The following GARIN1B variants were observed in gnomAD, a reference collection of about 807,000 sequenced individuals.
GARIN1B encodes the protein Golgi-associated RAB2 interactor protein 1B.
chr7:128,709,980 T>C, the GARIN1B span, among the ~76,000 whole-genome samples: 2 of 151,768 alleles, frequency 1.3e-5, no homozygotes, highest in Admixed American at 6.6e-5. Context: ...CTCGAACTCC[T>C]AACCTCATGA....
the GARIN1B span, chr7:128,715,449 C>T: frequency 2.5e-6 from 4 of 1,613,960 alleles, no homozygotes; most frequent in Non-Finnish European, 3.4e-6. Flanking sequence ...GAAATGTTGT[C>T]ATCATTTCCA....
the GARIN1B span, among the ~76,000 whole-genome samples, chr7:128,719,716 T>C: frequency 1.3e-5 from 2 of 148,592 alleles, no homozygotes; most frequent in Non-Finnish European, 3.0e-5. Flanking sequence ...TTTTTTTTTT[T>C]TGAGATGGAG....
At chr7:128,730,273 G>A in the GARIN1B span, among the ~76,000 whole-genome samples, 39 of 152,302 alleles carry the variant, frequency 2.6e-4, no homozygotes, top group African/African-American at 8.4e-4. Context: ...GGCCCCCAGA[G>A]TTCCCCCAGA....
the GARIN1B span, among the ~76,000 whole-genome samples, chr7:128,711,150 C>T: frequency 6.6e-6 from 1 of 152,068 alleles, no homozygotes; most frequent in Non-Finnish European, 1.5e-5. Flanking sequence ...TGTGTACTTT[C>T]CTCCTGGCAT....
the GARIN1B span, chr7:128,731,692 A>C: frequency 6.5e-6 from 1 of 154,450 alleles, no homozygotes; most frequent in African/African-American, 2.4e-5. Flanking sequence ...TTCCCTTTCT[A>C]TCTGTTTTTC....
chr7:128,723,797 C>T, the GARIN1B span, among the ~76,000 whole-genome samples: 3 of 151,866 alleles, frequency 2.0e-5, no homozygotes, highest in African/African-American at 7.3e-5. Context: ...CAGGCATGAG[C>T]CACCGCGCCC....
the GARIN1B span, chr7:128,725,017 T>C: frequency 2.0e-6 from 1 of 502,030 alleles, no homozygotes; most frequent in Non-Finnish European, 3.0e-6. Flanking sequence ...CAGGATCCAA[T>C]GAGCTCATAT....
the GARIN1B span, chr7:128,718,971 G>T: frequency 2.8e-5 from 45 of 1,614,048 alleles, no homozygotes; most frequent in Non-Finnish European, 3.3e-5. Context: ...TTCTGGATCC[G>T]ACTGGTTCAA....
chr7:128,720,203 CTTT>C, the GARIN1B span, among the ~76,000 whole-genome samples: 2 of 139,260 alleles, frequency 1.4e-5, no homozygotes, highest in Admixed American at 7.2e-5. Flanking sequence ...TTTCCTTCTT[CTTT>C]TTTTTTTTTT....
At chr7:128,716,281 C>T in the GARIN1B span, among the ~76,000 whole-genome samples, 12 of 152,206 alleles carry the variant, frequency 7.9e-5, no homozygotes, top group South Asian at 2.1e-4. Flanking sequence ...TGGATGGAAG[C>T]GAGAATGAAC....
the GARIN1B span, among the ~76,000 whole-genome samples, chr7:128,721,234 T>G: frequency 6.6e-6 from 1 of 152,214 alleles, no homozygotes; most frequent in African/African-American, 2.4e-5. Flanking sequence ...GCAGTTCTCC[T>G]GCCTCAGCCT....
the GARIN1B span, among the ~76,000 whole-genome samples, chr7:128,725,898 T>C: frequency 1.3e-5 from 2 of 152,166 alleles, no homozygotes; most frequent in Non-Finnish European, 2.9e-5. Context: ...CAGCTTTTAA[T>C]ATTTCTAGAA....
At chr7:128,729,863 A>G in the GARIN1B span, 2 of 1,599,170 alleles carry the variant, frequency 1.3e-6, no homozygotes, top group East Asian at 4.5e-5. Context: ...GGCTCTGTGA[A>G]CCAGCACACA....
chr7:128,709,878 A>G, the GARIN1B span, among the ~76,000 whole-genome samples: 4 of 151,352 alleles, frequency 2.6e-5, no homozygotes, highest in African/African-American at 9.7e-5. Flanking sequence ...CAGCCTCCTG[A>G]GTAGCTGGGA....
At chr7:128,731,371 G>T in the GARIN1B span, 2 of 554,402 alleles carry the variant, frequency 3.6e-6, no homozygotes, top group South Asian at 4.7e-5. Flanking sequence ...CCGGGCCCAA[G>T]AGATGAAGGA....
chr7:128,712,236 C>T, the GARIN1B span, among the ~76,000 whole-genome samples: 1 of 152,124 alleles, frequency 6.6e-6, no homozygotes, highest in Admixed American at 6.5e-5. Context: ...CTAGGAGGAC[C>T]TCTAGCAATT....
At chr7:128,716,236 G>A in the GARIN1B span, among the ~76,000 whole-genome samples, 1 of 152,172 alleles carries the variant, frequency 6.6e-6, no homozygotes, top group Admixed American at 6.5e-5. Context: ...GGCACTCGGT[G>A]CACGTTCGTC....
the GARIN1B span, among the ~76,000 whole-genome samples, chr7:128,720,423 C>T: frequency 2.1e-4 from 32 of 152,276 alleles, no homozygotes; most frequent in African/African-American, 7.0e-4. Context: ...TAGTCTCGAA[C>T]TCCTGACCTC....
chr7:128,729,913 TC>T, the GARIN1B span: 1 of 1,613,386 alleles, frequency 6.2e-7, no homozygotes, highest in African/African-American at 1.3e-5. Context: ...GAAAGATTCT[TC>T]CCGTGAAGAC....
Sources: gnomAD v4.1 joint callset for allele counts (sites outside exome capture counted in the v4.1 genomes callset) on GRCh38, gnomAD v4.1.1 for gene constraint, MANE v1.5 for transcripts, NCBI Gene and HGNC (gene_info 2026-07-23, HGNC 2026-07-21) for gene names.